PLSCR4: variants seen among roughly 807,000 people sequenced by gnomAD.
PLSCR4 encodes the protein phospholipid scramblase 4.
A neutral mutation model predicts 36.3 loss-of-function variants in PLSCR4; 25 were observed. The ratio of observed to expected loss-of-function variants is 0.69; its 90% CI spans 0.50 to 0.96. The LOEUF is 0.96. Ranked by LOEUF, PLSCR4 falls within the 40% of genes least tolerant of loss-of-function variation. The probability of loss-of-function intolerance (pLI) is 0.00; values close to 1 mark genes in which losing one functional copy is unlikely to be tolerated. For synonymous variants in PLSCR4, 122 were observed against 132.9 expected, an observed-to-expected ratio of 0.92 and a Z score of 0.56; for missense variants, 408 against 414.7, an observed-to-expected ratio of 0.98 and a Z score of 0.14.
intron 3 of PLSCR4, among the ~76,000 whole-genome samples, chr3:146,207,091 T>C (rs1368711623): frequency 6.6e-6 from 1 of 152,148 alleles, no homozygotes; most frequent in African/African-American, 2.4e-5. Flanking sequence ...ACTTACCTAA[T>C]GAGGTTGTAG....
intron 1 of PLSCR4, among the ~76,000 whole-genome samples, chr3:146,234,636 A>AT (rs1202707796): frequency 2.0e-5 from 3 of 151,882 alleles, no homozygotes; most frequent in Non-Finnish European, 4.4e-5. Context: ...ATAAAACCTC[A>AT]TTTTTTTTCT....
chr3:146,206,818 T>A (rs1382434324), intron 3 of PLSCR4, 57 bp from the exon 4 acceptor site: 1 of 1,066,034 alleles, frequency 9.4e-7, no homozygotes, highest in East Asian at 2.6e-5. Flanking sequence ...TTAGCATAAC[T>A]TTTTACATGC....
At chr3:146,218,473 G>C (rs1362401698) in intron 3 of PLSCR4, among the ~76,000 whole-genome samples, 8 of 151,500 alleles carry the variant, frequency 5.3e-5, no homozygotes, top group Non-Finnish European at 1.0e-4. Flanking sequence ...TATTCGTATA[G>C]AGATTATATT....
Position 146,226,936 on chromosome 3 carries a change from C to T in PLSCR4, c.-21-4844G>A, listed in dbSNP as rs941326869. 2.6e-5 allele frequency among the ~76,000 whole-genome samples: 4 copies of T among 151,956 alleles called. 1 individual carries two copies. The highest frequency in any genetic ancestry group is 2.6e-4 in the Admixed American group (4 of 15,238). On this transcript the variant is annotated intron_variant, in intron 1 of 8. Transcript: ENST00000354952. Reference sequence around the variant, plus strand: ...TCGAAGTCTGTTTACCTTCCATCTCCTTTGAGCTGCTAGTATTTTTTTCTC... The same window carrying T: ...TCGAAGTCTGTTTACCTTCCATCTCTTTTGAGCTGCTAGTATTTTTTTCTC...
chr3:146,217,710 G>T (rs1395284546), intron 3 of PLSCR4, among the ~76,000 whole-genome samples: 1 of 152,168 alleles, frequency 6.6e-6, no homozygotes, highest in Non-Finnish European at 1.5e-5. Flanking sequence ...CAGGCCTCCA[G>T]TGTATGGGAA....
chr3:146,223,425 T>C (rs2035268703), intron 1 of PLSCR4, among the ~76,000 whole-genome samples: 1 of 152,096 alleles, frequency 6.6e-6, no homozygotes, highest in Admixed American at 6.5e-5. Flanking sequence ...ATAACAACTC[T>C]CTAATGTGTA....
chr3:146,237,184 C>A (rs1190064690), intron 1 of PLSCR4, among the ~76,000 whole-genome samples: 2 of 152,070 alleles, frequency 1.3e-5, no homozygotes, highest in Non-Finnish European at 2.9e-5. Context: ...CTATACTAAT[C>A]TTATACAAAT....
chr3:146,203,141 T>C (rs1294478291), intron 4 of PLSCR4, among the ~76,000 whole-genome samples: 1 of 152,040 alleles, frequency 6.6e-6, no homozygotes, highest in Non-Finnish European at 1.5e-5. Context: ...GGTTTTCAAT[T>C]TATTTTGCCC....
At chr3:146,229,522 A>C (rs1266463985) in intron 1 of PLSCR4, among the ~76,000 whole-genome samples, 1 of 152,020 alleles carries the variant, frequency 6.6e-6, no homozygotes. Context: ...CTTTGTGTTC[A>C]TGACCCTCCT....
rs145475462 is a variant in PLSCR4, at chr3:146,235,006, A to G, written c.-21-12914T>C. 2.5e-3 allele frequency among the ~76,000 whole-genome samples: 388 copies of G among 152,324 alleles called. 2 individuals carry two copies. Among genetic ancestry groups the G allele is most frequent in the Non-Finnish European group, 4.1e-3 (282 of 68,018 alleles). ...AGTGGATCAACTGCCTGCCAAAACA[A>G]TAAGAAAATCAATTAGCTCCATGGC... On this transcript the variant is annotated intron_variant, in intron 1 of 8. Transcript: ENST00000354952.
chr3:146,196,506 A>G, intron 7 of PLSCR4, 126 bp downstream of exon 7: 3 of 894,808 alleles, frequency 3.4e-6, no homozygotes, highest in Non-Finnish European at 3.5e-6. Context: ...CAACTGGTTA[A>G]TTAACTCTTT....
At chr3:146,237,563 A>T (rs1482856424) in intron 1 of PLSCR4, among the ~76,000 whole-genome samples, 2 of 152,092 alleles carry the variant, frequency 1.3e-5, no homozygotes, top group Non-Finnish European at 2.9e-5. Flanking sequence ...ATTATAAATC[A>T]ACAATAGAAA....
chr3:146,236,708 G>C (rs149629604), intron 1 of PLSCR4, among the ~76,000 whole-genome samples: 6 of 152,092 alleles, frequency 3.9e-5, no homozygotes, highest in Admixed American at 2.0e-4. Flanking sequence ...CCGTAAGACC[G>C]TTAAACCGCT....
In PLSCR4 at chr3:146,200,024, T is replaced by C. The variant is rs780702522; in HGVS notation, c.413A>G (p.Glu138Gly). Residue 138 changes from glutamate to glycine, a missense_variant, in exon 6 of 9, where the codon GAA becomes GGA. Coordinates refer to ENST00000354952, the MANE Select transcript of PLSCR4 (RefSeq NM_020353.3). ...TTTAATATCATATCTATTATTAGTT[T>C]CAAAACATGTCATCACTAAAAAATA... ...FEPLEMMTCF[E>G]TNNRYDIKNN... 4 of 1,569,092 alleles carry C rather than the reference T, an allele frequency of 2.5e-6. No individual in the cohort carries two copies. The African/African-American group carries it at 5.4e-5, about 21-fold the overall frequency.
chr3:146,222,681 G>A lies in PLSCR4; in HGVS notation c.-21-589C>T, dbSNP rs371210285. 3.7e-4 allele frequency among the ~76,000 whole-genome samples: 57 copies of A among 152,306 alleles called. 5 individuals are homozygous for A. In the South Asian group the frequency reaches 8.9e-3, roughly 24 times the overall value. ...ACTGAGGTAAGACATGCAGATAAAGGTCTGATCTCATCTGAAGGCCATGGC... is the reference window on the plus strand; with the variant it reads ...ACTGAGGTAAGACATGCAGATAAAGATCTGATCTCATCTGAAGGCCATGGC... On this transcript the variant is annotated intron_variant, in intron 1 of 8. Coordinates refer to ENST00000354952, the MANE Select transcript of PLSCR4 (RefSeq NM_020353.3).
chr3:146,213,278 G>A (rs764150322), intron 3 of PLSCR4, among the ~76,000 whole-genome samples: 6 of 151,168 alleles, frequency 4.0e-5, no homozygotes, highest in Non-Finnish European at 5.9e-5. Context: ...CATTTCTATG[G>A]AAGACATTGT....
In PLSCR4 at chr3:146,207,612, G is replaced by T. The variant is rs575164982; in HGVS notation, c.119-851C>A. Among the ~76,000 whole-genome samples the T allele has an allele frequency of 7.9e-5, 12 of 152,024 alleles. No homozygotes were observed. In the East Asian group the frequency reaches 2.3e-3, roughly 29 times the overall value. On this transcript the variant is annotated intron_variant, in intron 3 of 8. Transcript: ENST00000354952. ...ATAGGGTATGAGTGCCATCATGAGGGCTCCACTCTTTTGATTTAATTTTCT... is the reference window on the plus strand; with the variant it reads ...ATAGGGTATGAGTGCCATCATGAGGTCTCCACTCTTTTGATTTAATTTTCT...
At chr3:146,237,480 A>AT (rs1576494240) in intron 1 of PLSCR4, among the ~76,000 whole-genome samples, 2 of 152,288 alleles carry the variant, frequency 1.3e-5, no homozygotes, top group East Asian at 3.9e-4. Flanking sequence ...TCATTAGGCT[A>AT]TAACATGAGC....
At chr3:146,234,169 C>G (rs761722187) in intron 1 of PLSCR4, among the ~76,000 whole-genome samples, 12 of 151,966 alleles carry the variant, frequency 7.9e-5, no homozygotes, top group Non-Finnish European at 1.8e-4. Flanking sequence ...AACAGAAGAC[C>G]AGAAAAAGTA....
Sources: allele counts gnomAD v4.1 joint callset (sites outside exome capture counted in the v4.1 genomes callset), GRCh38; gene constraint gnomAD v4.1.1; transcripts MANE v1.5; gene names NCBI Gene and HGNC (gene_info 2026-07-23, HGNC 2026-07-21).